Variants in CD47 observed in about 807,000 individuals in gnomAD.
The protein encoded by CD47 is leukocyte surface antigen CD47.
Under a neutral mutation model 44.6 loss-of-function variants are expected in CD47, and 11 were observed. The ratio of observed to expected loss-of-function variants is 0.25; its 90% confidence interval spans 0.16 to 0.41. The LOEUF is 0.41. CD47 is among the 10% of genes least tolerant of loss of function. CD47 has a pLI of 1.00. For missense variants in CD47, 306 were observed against 386.7 expected (o/e 0.79, Z 1.75); for synonymous variants, 140 against 136.3 (o/e 1.03, Z -0.19).
chr3:108,067,871 C>A (rs1377225906), intron 3 of CD47, among the ~76,000 whole-genome samples: 1 of 152,166 alleles, frequency 6.6e-6, no homozygotes, highest in African/African-American at 2.4e-5. Flanking sequence ...AGACATCTTT[C>A]AAGATACAGC....
At chr3:108,050,243 G>A (rs186143328) in intron 9 of CD47, among the ~76,000 whole-genome samples, 51 of 152,068 alleles carry the variant, frequency 3.4e-4, no homozygotes, top group Admixed American at 7.9e-4. Flanking sequence ...TCAGCCTCCC[G>A]AGTAGCTGGG....
At chr3:108,069,158 C>T (rs1344445912) in intron 3 of CD47, among the ~76,000 whole-genome samples, 1 of 152,114 alleles carries the variant, frequency 6.6e-6, no homozygotes, top group African/African-American at 2.4e-5. Context: ...AAACATTTTG[C>T]CAGTATGTAT....
chr3:108,050,785 G>T, intron 8 of CD47, 183 bp from the exon 9 acceptor site: 3 of 478,126 alleles, frequency 6.3e-6, no homozygotes, highest in Non-Finnish European at 1.2e-5. Flanking sequence ...TTGCCAAGTC[G>T]GGTTAATAGT....
intron 7 of CD47, among the ~76,000 whole-genome samples, chr3:108,055,010 A>G (rs1419807822): frequency 2.6e-5 from 4 of 152,172 alleles, no homozygotes; most frequent in Admixed American, 2.6e-4. Flanking sequence ...CTATGCTTTC[A>G]CATTAAGTTA....
chr3:108,080,301 G>A lies in CD47; in HGVS notation c.90C>T (p.Phe30=). 1 of 1,610,270 alleles carries A rather than the reference G, an allele frequency of 6.2e-7. No individual in the cohort carries two copies. Among genetic ancestry groups the A allele is most frequent in the Non-Finnish European group, 8.5e-7 (1 of 1,177,416 alleles). The change falls in exon 2 of 11, where the codon TTC becomes TTT. Residue 30 remains phenylalanine, a synonymous_variant. Transcript: ENST00000361309. ...LLFNKTKSVE[F]TFCNDTVVIP... ...TGACGACAGTGTCATTACAAAACGT[G>A]AATTCTACAGATTTTGTTTTATTAA...
chr3:108,050,160 C>G (rs1362776803), intron 9 of CD47, among the ~76,000 whole-genome samples: 1 of 152,024 alleles, frequency 6.6e-6, no homozygotes, highest in East Asian at 1.9e-4. Context: ...ACTCTGTCAC[C>G]AGGCTGGAGT....
Position 108,059,764 on chromosome 3 carries a change from CCTT to C in CD47, c.599-223_599-221del, listed in dbSNP as rs1484934197. Among the ~76,000 whole-genome samples the C allele has an allele frequency of 8.5e-5, 13 of 152,274 alleles. 1 individual carries two copies. In the East Asian group the frequency reaches 1.9e-3, roughly 23 times the overall value. ...CTGAAACCTTGAATTGGCTCTGCCT[CCTT>C]CTTAACTAGTTTACAGAATTCCAGT... On this transcript the variant is annotated intron_variant, in intron 4 of 10. Coordinates refer to ENST00000361309, the MANE Select transcript of CD47 (RefSeq NM_001777.4).
At chr3:108,084,865 C>G (rs115694177) in intron 1 of CD47, among the ~76,000 whole-genome samples, 2 of 152,124 alleles carry the variant, frequency 1.3e-5, no homozygotes, top group African/African-American at 2.4e-5. Context: ...TCATCCTCCC[C>G]CCTCGAACTA....
At chr3:108,074,142 A>G (rs968378533) in intron 2 of CD47, among the ~76,000 whole-genome samples, 1 of 152,168 alleles carries the variant, frequency 6.6e-6, no homozygotes, top group Non-Finnish European at 1.5e-5. Flanking sequence ...CTTTCAGTAA[A>G]AAATCTGAAT....
chr3:108,059,691 A>G, intron 4 of CD47, 147 bp from the exon 5 acceptor site: 1 of 462,810 alleles, frequency 2.2e-6, no homozygotes, highest in Admixed American at 4.4e-5. Flanking sequence ...TTTTTTGATT[A>G]AGACCAAACT....
chr3:108,073,796 C>T (rs1426284337), intron 2 of CD47, among the ~76,000 whole-genome samples: 2 of 152,152 alleles, frequency 1.3e-5, no homozygotes, highest in African/African-American at 2.4e-5. Flanking sequence ...TACAGGGAAG[C>T]AGGACCTGTC....
chr3:108,088,760 A>T (rs987159676), intron 1 of CD47, among the ~76,000 whole-genome samples: 4 of 152,238 alleles, frequency 2.6e-5, no homozygotes, highest in African/African-American at 9.6e-5. Context: ...CTTTTAAACA[A>T]AGTATAATTG....
At chr3:108,073,402 C>G (rs1229789806) in intron 2 of CD47, among the ~76,000 whole-genome samples, 2 of 152,134 alleles carry the variant, frequency 1.3e-5, no homozygotes, top group Non-Finnish European at 2.9e-5. Context: ...CCTCTAGGCT[C>G]TTGAAGGCCA....
intron 3 of CD47, among the ~76,000 whole-genome samples, chr3:108,061,497 A>G (rs2079015432): frequency 6.6e-6 from 1 of 152,182 alleles, no homozygotes; most frequent in African/African-American, 2.4e-5. Context: ...ATCCTGATGA[A>G]GAAAAAAAGC....
Position 108,059,499 on chromosome 3 carries a change from G to A in CD47, c.644C>T (p.Thr215Ile), listed in dbSNP as rs373991479. Residue 215 changes from threonine (T) to isoleucine (I), a missense_variant, in exon 5 of 11, where the codon ACT becomes ATT. By Grantham distance (89) the Thr-to-Ile change is moderately conservative (BLOSUM62 -1). Around this residue, in one of 5 missense-constraint regions of CD47, gnomAD observed 131 missense variants for 135.3 expected, o/e 0.97. Coordinates refer to ENST00000361309, the MANE Select transcript of CD47 (RefSeq NM_001777.4). ...AAGTAATATTAATATCCCTGTAGAA[G>A]TCACAATTAAACCAAGGCCAGTAGC... ...KNATGLGLIV[T>I]STGILILLHY... 3.2e-4 allele frequency: 488 copies of A among 1,528,476 alleles called. 1 individual carries two copies. Among genetic ancestry groups the A allele is most frequent in the South Asian group, 1.7e-3 (137 of 80,678 alleles). 94.7% of individuals were successfully genotyped at this position (1,528,476 alleles called of 1,614,324 possible). A position where few individuals can be genotyped will look rare whatever the true frequency, so the allele number is the denominator to read the frequency against.
At chr3:108,086,512 T>C (rs1238433484) in intron 1 of CD47, among the ~76,000 whole-genome samples, 1 of 152,158 alleles carries the variant, frequency 6.6e-6, no homozygotes, top group African/African-American at 2.4e-5. Flanking sequence ...GAGGCTTAAA[T>C]ATTTGGGGAG....
At chr3:108,062,367 G>T (rs1331801954) in intron 3 of CD47, among the ~76,000 whole-genome samples, 1 of 152,026 alleles carries the variant, frequency 6.6e-6, no homozygotes, top group African/African-American at 2.4e-5. Flanking sequence ...ACAGAAAAAG[G>T]AACTTTCTCT....
At chr3:108,049,124 CT>C in intron 10 of CD47, among the ~76,000 whole-genome samples, 1 of 142,492 alleles carries the variant, frequency 7.0e-6, no homozygotes, top group African/African-American at 2.7e-5. Flanking sequence ...CTCTCTCTCT[CT>C]CTCTCTCTCT....
rs573036318 is a variant in CD47 at position 108,055,411 on chromosome 3, C to T, written c.877+2066G>A. 2.3e-4 allele frequency: 116 copies of T among 513,892 alleles called. 1 individual carries two copies. The highest frequency in any genetic ancestry group is 2.2e-3 in the African/African-American group (107 of 48,452). The allele number at this position is 513,892 out of a possible 1,614,324, so 31.8% of individuals were successfully genotyped here. On this transcript the variant is annotated intron_variant, in intron 7 of 10. Transcript: ENST00000361309. ...TTCCTAATATAAACGCTCAAATTTG[C>T]AACCTTAATGTTACATAGATTCAGA... is the stretch of plus-strand genomic sequence containing the variant.
Sources: allele counts gnomAD v4.1 joint callset (sites outside exome capture counted in the v4.1 genomes callset), GRCh38; gene constraint gnomAD v4.1.1; regional missense constraint gnomAD v4.1.1; transcripts MANE v1.5; gene names NCBI Gene and HGNC (gene_info 2026-07-23, HGNC 2026-07-21).